The following FAXC variants were observed in gnomAD, a reference collection of about 807,000 sequenced individuals.
FAXC encodes the protein failed axon connections homolog, metaxin like GST domain containing, also known as failed axon connections homolog.
In FAXC, 10 loss-of-function variants were observed where a neutral mutation model predicts 41.9. The ratio of observed to expected loss-of-function variants is 0.24; its 90% CI spans 0.15 to 0.41. FAXC has a LOEUF of 0.41. Among genes scored for constraint, FAXC ranks in the 10% least tolerant of loss-of-function variants. FAXC has a pLI of 1.00. For synonymous variants in FAXC, 183 were observed against 183.8 expected (o/e 1.00, Z 0.03); for missense variants, 399 against 510.9 (o/e 0.78, Z 2.11).
chr6:99,337,523 A>C (rs1773257608), intron 2 of FAXC, among the ~76,000 whole-genome samples: 1 of 152,242 alleles, frequency 6.6e-6, no homozygotes, highest in South Asian at 2.1e-4. Flanking sequence ...GTAGGATATC[A>C]GGTAATTTTC....
chr6:99,343,821 T>C (rs1773503393), intron 1 of FAXC, among the ~76,000 whole-genome samples: 1 of 152,104 alleles, frequency 6.6e-6, no homozygotes, highest in Non-Finnish European at 1.5e-5. Context: ...TTCTGGATGC[T>C]CTCTCTCTAG....
intron 4 of FAXC, among the ~76,000 whole-genome samples, chr6:99,302,718 G>C (rs561890686): frequency 5.6e-4 from 85 of 152,132 alleles, no homozygotes; most frequent in Non-Finnish European, 1.1e-3. Context: ...CACAGGGAGA[G>C]GAATACACAA....
chr6:99,343,242 C>G lies in FAXC; in HGVS notation c.267-209G>C, dbSNP rs1773485175. On this transcript the variant is annotated intron_variant, in intron 1 of 5. Transcript: ENST00000389677. The stretch of plus-strand genomic sequence containing the variant: ...GAAGCTTAGTCAAAACTCAAGAGAA[C>G]CTTACAAACTCCCATGATATTACCA... Among the ~76,000 whole-genome samples, 5 of 150,640 alleles carry G rather than the reference C, an allele frequency of 3.3e-5. No individual in the cohort carries two copies. In the Admixed American group the frequency reaches 3.3e-4, roughly 10 times the overall value.
rs142317851 is a variant in FAXC, at chr6:99,309,856, G to T, written c.823+13588C>A. ...ACTCACCAGAATGCAATCAATACAGGTAAAGTTAAAATTTATGGTTTTCAG... is the reference window on the plus strand; with the variant it reads ...ACTCACCAGAATGCAATCAATACAGTTAAAGTTAAAATTTATGGTTTTCAG... On this transcript the variant is annotated intron_variant, in intron 4 of 5. Coordinates refer to ENST00000389677, the MANE Select transcript of FAXC (RefSeq NM_032511.4). 6,130 of 966,044 alleles carry T rather than the reference G, an allele frequency of 6.3e-3. 23 individuals are homozygous for T. The highest frequency in any genetic ancestry group is 7.4e-3 in the Admixed American group (121 of 16,258). The allele number at this position is 966,044 out of a possible 1,614,324, so 59.8% of individuals were successfully genotyped here.
chr6:99,348,130 T>C (rs1296205596), intron 1 of FAXC, among the ~76,000 whole-genome samples: 2 of 152,174 alleles, frequency 1.3e-5, no homozygotes, highest in East Asian at 3.9e-4. Context: ...TAACCTATTG[T>C]GTAGGATTCC....
At chr6:99,319,443 C>CTCTCACAG (rs1290516769) in intron 4 of FAXC, among the ~76,000 whole-genome samples, 6 of 151,538 alleles carry the variant, frequency 4.0e-5, no homozygotes, top group Non-Finnish European at 8.8e-5. Flanking sequence ...CAACTGTCAG[C>CTCTCACAG]TCTCACAGCA....
At chr6:99,288,847 G>GACACACACACACAC (rs11274408) in intron 5 of FAXC, among the ~76,000 whole-genome samples, 32 of 69,514 alleles carry the variant, frequency 4.6e-4, no homozygotes, top group African/African-American at 1.9e-3. Context: ...CACATGAATC[G>GACACACACACACAC]ACACACACAC....
intron 4 of FAXC, among the ~76,000 whole-genome samples, chr6:99,312,897 C>T (rs530593025): frequency 6.6e-6 from 1 of 152,304 alleles, no homozygotes; most frequent in South Asian, 2.1e-4. Context: ...CATACCTCTG[C>T]TGATACTCCT....
At chr6:99,329,475 C>G (rs1443071197) in intron 3 of FAXC, among the ~76,000 whole-genome samples, 4 of 152,156 alleles carry the variant, frequency 2.6e-5, no homozygotes, top group Admixed American at 2.6e-4. Context: ...ACCTGGACTT[C>G]CAACTCATGA....
intron 2 of FAXC, among the ~76,000 whole-genome samples, chr6:99,336,803 A>C (rs1773234275): frequency 6.6e-6 from 1 of 152,194 alleles, no homozygotes; most frequent in Non-Finnish European, 1.5e-5. Context: ...TGCCTTCATC[A>C]GAAGTATTTT....
chr6:99,349,051 G>A, intron 1 of FAXC, 56 bp downstream of exon 1: 3 of 1,564,342 alleles, frequency 1.9e-6, no homozygotes, highest in African/African-American at 1.3e-5. Context: ...CGCCAGCCCT[G>A]CCCTAGCCAG....
chr6:99,288,865 C>CACACAA lies in FAXC; in HGVS notation c.940+2838_940+2839insTTGTGT, dbSNP rs1223762286. Reference sequence around the variant, plus strand: ...ATGAATCGACACACACACATACACACACACACACACACACACACACAGAGC... The same window carrying CACACAA: ...ATGAATCGACACACACACATACACACACACAAACACACACACACACACACACAGAGC... On this transcript the variant is annotated intron_variant, in intron 5 of 5. Coordinates refer to ENST00000389677, the MANE Select transcript of FAXC (RefSeq NM_032511.4). 2.6e-5 allele frequency among the ~76,000 whole-genome samples: 4 copies of CACACAA among 151,588 alleles called. No individual in the cohort carries two copies. In the South Asian group the frequency reaches 8.4e-4, roughly 32 times the overall value.
intron 4 of FAXC, among the ~76,000 whole-genome samples, chr6:99,323,169 G>C (rs1412515293): frequency 1.3e-5 from 2 of 152,180 alleles, no homozygotes; most frequent in African/African-American, 2.4e-5. Flanking sequence ...AGAAGTGCCA[G>C]CATCACTTGC....
At chr6:99,324,720 G>A (rs116627501) in intron 3 of FAXC, among the ~76,000 whole-genome samples, 2,524 of 152,236 alleles carry the variant, frequency 0.017, 64 homozygotes, top group African/African-American at 0.057. Flanking sequence ...TAATAGTGCT[G>A]GTAGATAGAA....
At chr6:99,320,944 C>T (rs950198114) in intron 4 of FAXC, among the ~76,000 whole-genome samples, 12 of 152,134 alleles carry the variant, frequency 7.9e-5, no homozygotes, top group Non-Finnish European at 1.8e-4. Flanking sequence ...AGCAGAGGTC[C>T]GCAAACTTCT....
intron 4 of FAXC, among the ~76,000 whole-genome samples, chr6:99,309,205 T>C (rs942226077): frequency 6.6e-6 from 1 of 152,042 alleles, no homozygotes; most frequent in African/African-American, 2.4e-5. Flanking sequence ...TGCTATCTTG[T>C]AAGGGTTTTT....
chr6:99,278,796 C>T lies in FAXC; in HGVS notation c.*2368G>A, dbSNP rs1770719797. ...CCATTCATGCCCCTGTAAGAGGTAC[C>T]TGGATGGAATGACTTATTTTACAAC... is the stretch of plus-strand genomic sequence containing the variant. On this transcript the variant is annotated 3_prime_UTR_variant, in exon 6 of 6. Coordinates refer to ENST00000389677, the MANE Select transcript of FAXC (RefSeq NM_032511.4). 1 of 152,188 alleles carries T rather than the reference C, an allele frequency of 6.6e-6. No individual in the cohort carries two copies. The highest frequency in any genetic ancestry group is 6.5e-5 in the Admixed American group (1 of 15,284). The allele number at this position is 152,188 out of a possible 1,614,324, so 9.4% of individuals were successfully genotyped here.
At chr6:99,336,809 AT>A (rs1289917018) in intron 2 of FAXC, among the ~76,000 whole-genome samples, 1 of 152,168 alleles carries the variant, frequency 6.6e-6, no homozygotes, top group East Asian at 1.9e-4. Flanking sequence ...CATCAGAAGT[AT>A]TTTGAAGAAC....
At chr6:99,340,928 C>T (rs1773405200) in intron 2 of FAXC, among the ~76,000 whole-genome samples, 1 of 152,054 alleles carries the variant, frequency 6.6e-6, no homozygotes, top group Admixed American at 6.6e-5. Flanking sequence ...CTCGGCCTCT[C>T]AAAGTGCTAG....
Sources: gnomAD v4.1 joint callset for allele counts (sites outside exome capture counted in the v4.1 genomes callset) on GRCh38, gnomAD v4.1.1 for gene constraint, MANE v1.5 for transcripts, NCBI Gene and HGNC (gene_info 2026-07-23, HGNC 2026-07-21) for gene names.